PCDHA9: variants seen among roughly 807,000 people sequenced by gnomAD.
The protein encoded by PCDHA9 is protocadherin alpha-9.
A neutral mutation model predicts 62.0 loss-of-function variants in PCDHA9; 62 were observed. The ratio of observed to expected loss-of-function variants is 1.00; its 90% CI spans 0.81 to 1.23. The LOEUF (loss-of-function observed/expected upper bound fraction) is 1.23. Among genes scored for constraint, PCDHA9 ranks in the 50% most tolerant of loss-of-function variants. PCDHA9 has a pLI of 0.00. For synonymous variants in PCDHA9, 557 were observed against 567.6 expected (o/e 0.98, Z 0.27); for missense variants, 1,205 against 1,249.8 (o/e 0.96, Z 0.54).
At chr5:140,872,800 C>T (rs2053907687) in intron 1 of PCDHA9, among the ~76,000 whole-genome samples, 2 of 152,078 alleles carry the variant, frequency 1.3e-5, no homozygotes, top group African/African-American at 4.8e-5. Context: ...TGGCATTCTT[C>T]CATAAGTTTT....
chr5:140,946,631 T>TATATATATATATATATATATACAC lies in PCDHA9; in HGVS notation c.2395-32317_2395-32316insTATATATATATATATATATACACA, dbSNP rs57893927. Among the ~76,000 whole-genome samples, 100 of 131,838 alleles carry TATATATATATATATATATATACAC rather than the reference T, an allele frequency of 7.6e-4. 3 individuals carry two copies. Among genetic ancestry groups the TATATATATATATATATATATACAC allele is most frequent in the African/African-American group, 2.6e-3 (76 of 28,714 alleles). The allele number at this position is 131,838 out of a possible 152,430, so 86.5% of individuals were successfully genotyped here. A position where few individuals can be genotyped will look rare whatever the true frequency, so the allele number is the denominator to read the frequency against. On this transcript the variant is annotated intron_variant, in intron 1 of 3. Transcript: ENST00000532602. ...TGTGAAATATATATATATATATATA[T>TATATATATATATATATATATACAC]ACAATGGAATACTCATCAGCCATTA...
chr5:140,928,461 C>T, intron 1 of PCDHA9: 2 of 1,614,108 alleles, frequency 1.2e-6, no homozygotes, highest in Non-Finnish European at 1.7e-6. Context: ...GGTTTCATTT[C>T]CAAGTAGAAG....
chr5:140,943,729 A>G (rs1215938127), intron 1 of PCDHA9, among the ~76,000 whole-genome samples: 1 of 152,374 alleles, frequency 6.6e-6, no homozygotes, highest in South Asian at 2.1e-4. Context: ...TGAGAGAATG[A>G]AAGTCCACAG....
At chr5:140,875,773 G>C in intron 1 of PCDHA9, 1 of 1,614,268 alleles carries the variant, frequency 6.2e-7, no homozygotes, top group Non-Finnish European at 8.5e-7. Context: ...GCGGAGCGCG[G>C]AGTGCAGTAT....
At chr5:140,870,578 C>A in intron 1 of PCDHA9, 1 of 1,613,882 alleles carries the variant, frequency 6.2e-7, no homozygotes. Flanking sequence ...GTGTCCTACT[C>A]GCTGGTGGAG....
intron 1 of PCDHA9, chr5:140,860,340 C>G (rs981702671): frequency 6.6e-6 from 1 of 151,936 alleles, no homozygotes; most frequent in Admixed American, 6.6e-5. Context: ...ATGATTGTGC[C>G]ACTGCACTCC....
At chr5:140,863,799 G>C (rs1246230954) in intron 1 of PCDHA9, 1 of 212,342 alleles carries the variant, frequency 4.7e-6, no homozygotes, top group Non-Finnish European at 9.6e-6. Context: ...AGGAGTTTGA[G>C]ACCAGCCTGG....
intron 1 of PCDHA9, among the ~76,000 whole-genome samples, chr5:140,906,473 A>G (rs2072671241): frequency 6.6e-6 from 1 of 152,214 alleles, no homozygotes. Flanking sequence ...TCTTAGTACA[A>G]ATGTATAAAT....
chr5:140,901,857 G>A (rs782415424), intron 1 of PCDHA9, among the ~76,000 whole-genome samples: 4 of 151,902 alleles, frequency 2.6e-5, no homozygotes, highest in African/African-American at 4.8e-5. Flanking sequence ...CCATTTTTTT[G>A]TGTCCTCTTC....
At chr5:140,967,435 C>T (rs949116832) in intron 1 of PCDHA9, 1 of 1,613,532 alleles carries the variant, frequency 6.2e-7, no homozygotes, top group Non-Finnish European at 8.5e-7. Flanking sequence ...CAGCCTTGCA[C>T]CACCTGGTTC....
chr5:140,928,288 C>CA (rs1554205700), intron 1 of PCDHA9: 1 of 1,614,156 alleles, frequency 6.2e-7, no homozygotes, highest in East Asian at 2.2e-5. Flanking sequence ...CTCTCTAGGC[C>CA]GAGTGTTTGC....
chr5:140,993,754 A>G (rs1253767297), intron 3 of PCDHA9, among the ~76,000 whole-genome samples: 1 of 152,170 alleles, frequency 6.6e-6, no homozygotes, highest in African/African-American at 2.4e-5. Context: ...ACTTGCCATT[A>G]TATTACAATT....
chr5:140,878,599 A>G (rs1308833361), intron 1 of PCDHA9, among the ~76,000 whole-genome samples: 4 of 152,220 alleles, frequency 2.6e-5, no homozygotes, highest in African/African-American at 2.4e-5. Context: ...TTACCAAGTG[A>G]ATCTTCTAAT....
At chr5:140,938,930 A>T (rs2092272913) in intron 1 of PCDHA9, among the ~76,000 whole-genome samples, 1 of 152,066 alleles carries the variant, frequency 6.6e-6, no homozygotes, top group African/African-American at 2.4e-5. Flanking sequence ...ATTGGCTTTT[A>T]ACTTTCCATT....
intron 1 of PCDHA9, chr5:140,869,103 G>T: frequency 6.2e-7 from 1 of 1,600,312 alleles, no homozygotes; most frequent in Non-Finnish European, 8.5e-7. Context: ...TTTCGTATGC[G>T]ATGTTTGGTT....
At chr5:140,872,544 C>T (rs912822292) in intron 1 of PCDHA9, among the ~76,000 whole-genome samples, 1 of 152,126 alleles carries the variant, frequency 6.6e-6, no homozygotes, top group Admixed American at 6.5e-5. Context: ...AGAGGATCCC[C>T]TGAACCCAGG....
chr5:140,995,401 G>A (rs576317630), intron 3 of PCDHA9, among the ~76,000 whole-genome samples: 7 of 152,238 alleles, frequency 4.6e-5, no homozygotes, highest in African/African-American at 1.4e-4. Context: ...GGGATGGCTC[G>A]AGATTTCATC....
At chr5:140,857,001 A>T in intron 1 of PCDHA9, 1 of 1,595,350 alleles carries the variant, frequency 6.3e-7, no homozygotes, top group Non-Finnish European at 8.6e-7. Flanking sequence ...TATGAAATTC[A>T]TGTAGATGTT....
At chr5:140,964,417 C>T (rs1279243450) in intron 1 of PCDHA9, among the ~76,000 whole-genome samples, 15 of 152,088 alleles carry the variant, frequency 9.9e-5, no homozygotes, top group Admixed American at 9.8e-4. Context: ...TGGGGGCTTC[C>T]ATTAAAAAAT....
Sources: allele counts gnomAD v4.1 joint callset (sites outside exome capture counted in the v4.1 genomes callset), GRCh38; gene constraint gnomAD v4.1.1; transcripts MANE v1.5; gene names NCBI Gene and HGNC (gene_info 2026-07-23, HGNC 2026-07-21).